ASXL3: variants seen among roughly 807,000 people sequenced by gnomAD.
ASXL3 encodes the protein ASXL transcriptional regulator 3.
Under a neutral mutation model 170.6 loss-of-function variants are expected in ASXL3, and 34 were observed. That is an observed-to-expected ratio of 0.20 (90% CI 0.15 to 0.27). ASXL3 has a LOEUF of 0.27. ASXL3 is among the 10% of genes least tolerant of loss of function. ASXL3 has a pLI of 1.00. For synonymous variants in ASXL3, 1,002 were observed against 989.1 expected (o/e 1.01, Z -0.24); for missense variants, 2,592 against 2,695.3 (o/e 0.96, Z 0.85).
At chr18:33,686,898 G>C (rs2066606118) in intron 8 of ASXL3, among the ~76,000 whole-genome samples, 1 of 152,190 alleles carries the variant, frequency 6.6e-6, no homozygotes, top group Non-Finnish European at 1.5e-5. Context: ...TTGGGAGCAG[G>C]TATCTCTGTG....
At chr18:33,668,636 C>T (rs1160500567) in intron 5 of ASXL3, among the ~76,000 whole-genome samples, 1 of 151,938 alleles carries the variant, frequency 6.6e-6, no homozygotes, top group African/African-American at 2.4e-5. Context: ...CTTGACTATA[C>T]CTTGTCTTTT....
At chr18:33,702,097 C>T (rs1599514953) in intron 8 of ASXL3, among the ~76,000 whole-genome samples, 1 of 152,252 alleles carries the variant, frequency 6.6e-6, no homozygotes, top group African/African-American at 2.4e-5. Flanking sequence ...TTTGGTGAGA[C>T]ACTGTCATTA....
intron 1 of ASXL3, among the ~76,000 whole-genome samples, chr18:33,601,461 T>C (rs1478573636): frequency 3.9e-5 from 6 of 151,982 alleles, no homozygotes; most frequent in African/African-American, 1.2e-4. Flanking sequence ...ATCAGACATC[T>C]AGTGAGTAGG....
At chr18:33,674,318 G>T (rs933672884) in intron 7 of ASXL3, among the ~76,000 whole-genome samples, 1 of 152,144 alleles carries the variant, frequency 6.6e-6, no homozygotes, top group Non-Finnish European at 1.5e-5. Context: ...CACATGGAAG[G>T]AGAGCTAGCA....
intron 2 of ASXL3, among the ~76,000 whole-genome samples, chr18:33,615,084 CCT>C (rs1365918013): frequency 3.3e-5 from 5 of 152,122 alleles, no homozygotes; most frequent in African/African-American, 7.2e-5. Flanking sequence ...CTTGACTTCA[CCT>C]CTCTACCTAT....
rs747958209 is a variant in ASXL3, at chr18:33,746,015, A to C, written c.6167A>C (p.Gln2056Pro). The stretch of plus-strand genomic sequence containing the variant: ...GCAGAAGTCCCATCTGATCAAAAAC[A>C]ACCTCCAGTTACCATGGAAACCACT... ...PNAEVPSDQKQPPVTMETTKR... is the reference protein window; with the variant it reads ...PNAEVPSDQKPPPVTMETTKR... The change falls in exon 12 of 12, where the codon CAA becomes CCA. Residue 2056 changes from glutamine to proline, a missense_variant. By Grantham distance (76) the Gln-to-Pro change is moderately conservative. Around this residue, in one of 4 missense-constraint regions of ASXL3, gnomAD observed 2,246 missense variants for 2,219.6 expected, o/e 1.01. Transcript: ENST00000269197. The C allele has an allele frequency of 5.6e-6, 9 of 1,611,154 alleles. No individual in the cohort carries two copies. In the Admixed American group the frequency reaches 1.2e-4, roughly 21 times the overall value.
At chr18:33,738,356 T>C in intron 10 of ASXL3, 131 bp from the exon 11 acceptor site, 1 of 949,592 alleles carries the variant, frequency 1.1e-6, no homozygotes, top group Non-Finnish European at 1.5e-6. Context: ...TTTACATAAA[T>C]TAAGCATGTT....
chr18:33,644,560 A>G (rs531315423), intron 2 of ASXL3, among the ~76,000 whole-genome samples: 1 of 150,510 alleles, frequency 6.6e-6, no homozygotes, highest in African/African-American at 2.4e-5. Context: ...TGTTATTTGT[A>G]AAATAACACC....
intron 10 of ASXL3, among the ~76,000 whole-genome samples, 199 bp from the exon 11 acceptor site, chr18:33,738,288 A>G (rs2067582122): frequency 6.6e-6 from 1 of 152,214 alleles, no homozygotes; most frequent in South Asian, 2.1e-4. Flanking sequence ...CTTAACCAAA[A>G]GCAGAGTATT....
chr18:33,655,880 ATTG>A (rs1437087727), intron 4 of ASXL3, among the ~76,000 whole-genome samples: 2 of 152,058 alleles, frequency 1.3e-5, no homozygotes, highest in Non-Finnish European at 2.9e-5. Flanking sequence ...CAAATTTATT[ATTG>A]TTAAGTTTTC....
chr18:33,742,154 C>A (rs1354407106), intron 11 of ASXL3, among the ~76,000 whole-genome samples: 2 of 152,162 alleles, frequency 1.3e-5, no homozygotes, highest in Non-Finnish European at 2.9e-5. Flanking sequence ...ATAATACAAT[C>A]CCTTTGGAAA....
At chr18:33,723,231 G>C (rs537840101) in intron 8 of ASXL3, among the ~76,000 whole-genome samples, 3 of 152,152 alleles carry the variant, frequency 2.0e-5, no homozygotes, top group Admixed American at 1.3e-4. Context: ...TTCTAAGGCT[G>C]TGGCTGCCAT....
rs771269247 is a variant in ASXL3, at chr18:33,745,473, G to C, written c.5625G>C (p.Lys1875Asn). 2 of 1,614,010 alleles carry C rather than the reference G, an allele frequency of 1.2e-6. No homozygotes were observed. The highest frequency in any genetic ancestry group is 1.7e-6 in the Non-Finnish European group (2 of 1,179,904). The change falls in exon 12 of 12, where the codon AAG becomes AAC. Residue 1875 changes from lysine to asparagine, a missense_variant. Physicochemically the swap from Lys to Asn is moderately conservative, Grantham distance 94. This residue lies in a region of ASXL3 where 2,246 missense variants were observed against 2,219.6 expected (regional missense o/e 1.01). Coordinates refer to ENST00000269197, the MANE Select transcript of ASXL3 (RefSeq NM_030632.3). ...AGCTAGGACACAGCCAGCCATTTAA[G>C]CAAGAATGGCTAAACAAGCACTCCA... Reference protein sequence around the residue: ...ISQLGHSQPFKQEWLNKHSMQ... With the variant: ...ISQLGHSQPFNQEWLNKHSMQ...
At chr18:33,711,885 T>G (rs1161515153) in intron 8 of ASXL3, among the ~76,000 whole-genome samples, 1 of 152,216 alleles carries the variant, frequency 6.6e-6, no homozygotes, top group Non-Finnish European at 1.5e-5. Flanking sequence ...AAGATTAAAA[T>G]TTTAGACATT....
intron 1 of ASXL3, among the ~76,000 whole-genome samples, chr18:33,603,113 G>A (rs537005804): frequency 1.6e-4 from 25 of 152,100 alleles, no homozygotes; most frequent in Middle Eastern, 3.4e-3. Flanking sequence ...TTATTTTGCC[G>A]TCAAATAAGT....
chr18:33,617,835 T>C (rs2065450428), intron 2 of ASXL3, among the ~76,000 whole-genome samples: 1 of 152,172 alleles, frequency 6.6e-6, no homozygotes, highest in South Asian at 2.1e-4. Context: ...GATGTAAAAT[T>C]ACATTGTGTG....
intron 1 of ASXL3, among the ~76,000 whole-genome samples, chr18:33,600,794 G>A (rs955241547): frequency 2.0e-5 from 3 of 152,084 alleles, no homozygotes; most frequent in Non-Finnish European, 4.4e-5. Context: ...ATGTCTTTCA[G>A]CTGTGCTCAG....
chr18:33,676,222 C>CAAAAAAAAAAAAA lies in ASXL3; in HGVS notation c.715+4369_715+4381dup, dbSNP rs568221465. ...CTGGGTGACGAGCGAGACTCCGTCT[C>CAAAAAAAAAAAAA]AAAAAAAAAAAAAAAAAAAAAAAAA... On this transcript the variant is annotated intron_variant, in intron 7 of 11. Coordinates refer to ENST00000269197, the MANE Select transcript of ASXL3 (RefSeq NM_030632.3). 5.7e-3 allele frequency among the ~76,000 whole-genome samples: 237 copies of CAAAAAAAAAAAAA among 41,718 alleles called. 31 individuals are homozygous for CAAAAAAAAAAAAA. Among genetic ancestry groups the CAAAAAAAAAAAAA allele is most frequent in the African/African-American group, 0.022 (223 of 10,246 alleles). 27.4% of individuals were successfully genotyped at this position (41,718 alleles called of 152,430 possible).
intron 1 of ASXL3, among the ~76,000 whole-genome samples, chr18:33,581,999 C>T (rs764357470): frequency 3.9e-5 from 6 of 152,180 alleles, no homozygotes; most frequent in African/African-American, 1.4e-4. Context: ...TCCCCTCCCC[C>T]ACAGCCTTCT....
Sources: gnomAD v4.1 joint callset for allele counts (sites outside exome capture counted in the v4.1 genomes callset) on GRCh38, gnomAD v4.1.1 for gene constraint, gnomAD v4.1.1 regional missense constraint, MANE v1.5 for transcripts, NCBI Gene and HGNC (gene_info 2026-07-23, HGNC 2026-07-21) for gene names.